The following PREX2 variants were observed in gnomAD, a reference collection of about 807,000 sequenced individuals.
PREX2 encodes phosphatidylinositol 3,4,5-trisphosphate-dependent Rac exchanger 2 protein.
In PREX2, 107 loss-of-function variants were observed where a neutral mutation model predicts 203.2. The ratio of observed to expected loss-of-function variants is 0.53; its 90% CI spans 0.45 to 0.62. PREX2 has a LOEUF of 0.62. PREX2 is among the 20% of genes least tolerant of loss of function. PREX2 has a pLI of 0.00. For synonymous variants in PREX2, 672 were observed against 663.6 expected (o/e 1.01, Z -0.19); for missense variants, 1,777 against 1,955.9 (o/e 0.91, Z 1.72).
intron 29 of PREX2, 110 bp from the exon 30 acceptor site, chr8:68,120,811 A>G (rs1810756629): frequency 2.4e-6 from 2 of 838,284 alleles, no homozygotes; most frequent in Non-Finnish European, 3.6e-6. Flanking sequence ...AGAAATGACC[A>G]CCATGTCAAT....
At chr8:68,092,855 C>T (rs1809923921) in intron 20 of PREX2, among the ~76,000 whole-genome samples, 2 of 152,128 alleles carry the variant, frequency 1.3e-5, no homozygotes, top group Admixed American at 6.5e-5. Context: ...GGTCTCACTA[C>T]GTTGCTCAGG....
chr8:68,136,767 A>G (rs1274168304), intron 32 of PREX2, among the ~76,000 whole-genome samples: 1 of 152,160 alleles, frequency 6.6e-6, no homozygotes, highest in East Asian at 1.9e-4. Context: ...CAGTTCTTCC[A>G]ACCTCTTTGT....
At chr8:68,049,946 C>T (rs950953884) in intron 8 of PREX2, among the ~76,000 whole-genome samples, 10 of 151,788 alleles carry the variant, frequency 6.6e-5, no homozygotes, top group Admixed American at 6.6e-4. Context: ...AAATGAGAAG[C>T]AATTGCTTAT....
Position 68,192,466 on chromosome 8 carries a change from G to A in PREX2, c.4545G>A (p.Ser1515=), listed in dbSNP as rs116570374. 1,965 of 1,613,666 alleles carry A rather than the reference G, an allele frequency of 1.2e-3. 21 individuals carry two copies. The African/African-American group carries it at 0.023, about 19-fold the overall frequency. The change falls in exon 37 of 40, where the codon TCG becomes TCA. Residue 1515 remains serine (S), a synonymous_variant. Coordinates refer to ENST00000288368, the MANE Select transcript of PREX2 (RefSeq NM_024870.4). Reference sequence around the variant, plus strand: ...GGGTTGGACTGCTGTCAGTTTCCTCGGAGCTGTGCAACAGGCTGGGCGCCT... The same window carrying A: ...GGGTTGGACTGCTGTCAGTTTCCTCAGAGCTGTGCAACAGGCTGGGCGCCT... ...ASGVGLLSVS[S]ELCNRLGACH...
chr8:67,975,258 C>G (rs1003253108), intron 1 of PREX2, among the ~76,000 whole-genome samples: 2 of 144,642 alleles, frequency 1.4e-5, no homozygotes, highest in Non-Finnish European at 3.0e-5. Context: ...GCTGATGTTA[C>G]CTGCACACGG....
Position 68,233,201 on chromosome 8 carries a change from C to T in PREX2, c.*1823C>T, listed in dbSNP as rs1813200725. 6.6e-6 allele frequency: 1 copy of T among 152,078 alleles called. No homozygotes were observed. Among genetic ancestry groups the T allele is most frequent in the South Asian group, 2.1e-4 (1 of 4,818 alleles). 9.4% of individuals were successfully genotyped at this position (152,078 alleles called of 1,614,324 possible). A position where few individuals can be genotyped will look rare whatever the true frequency, so the allele number is the denominator to read the frequency against. ...AATAAAGATATCTTTACAAAAATAA[C>T]CTTCAAGGATTTAACATTTGTAGGA... On this transcript the variant is annotated 3_prime_UTR_variant, in exon 40 of 40. Transcript: ENST00000288368.
chr8:68,194,296 G>A (rs1180244929), intron 37 of PREX2, among the ~76,000 whole-genome samples: 2 of 152,094 alleles, frequency 1.3e-5, no homozygotes, highest in Non-Finnish European at 2.9e-5. Context: ...GGGGGAAACG[G>A]TTGATAAAGT....
Position 68,093,589 on chromosome 8 carries a change from C to T in PREX2, c.2251-16C>T, listed in dbSNP as rs990879255. On this transcript the variant is annotated splice_polypyrimidine_tract_variant and intron_variant, in intron 20 of 39. Transcript: ENST00000288368. ...GCACTAATACCTCTGAGGTTTCTTT[C>T]CCCCCTCATTTCCAGCAAGATTCCA... is the stretch of plus-strand genomic sequence containing the variant. 1.5e-6 allele frequency: 2 copies of T among 1,314,336 alleles called. No individual in the cohort carries two copies. Among genetic ancestry groups the T allele is most frequent in the Non-Finnish European group, 2.2e-6 (2 of 921,166 alleles). 81.4% of individuals were successfully genotyped at this position (1,314,336 alleles called of 1,614,324 possible).
chr8:68,042,137 T>C (rs754066181), intron 7 of PREX2, among the ~76,000 whole-genome samples: 1 of 152,076 alleles, frequency 6.6e-6, no homozygotes, highest in African/African-American at 2.4e-5. Flanking sequence ...TTCTAAGATA[T>C]AGAGATCTTT....
At chr8:68,006,118 G>C (rs1238732791) in intron 1 of PREX2, among the ~76,000 whole-genome samples, 1 of 152,182 alleles carries the variant, frequency 6.6e-6, no homozygotes, top group Non-Finnish European at 1.5e-5. Context: ...CAGCTCATTA[G>C]CAGTTTGCTG....
intron 34 of PREX2, among the ~76,000 whole-genome samples, chr8:68,154,109 C>T (rs1029008760): frequency 3.3e-5 from 5 of 152,210 alleles, no homozygotes; most frequent in Non-Finnish European, 7.3e-5. Flanking sequence ...CTGTGCCATC[C>T]CACTGTTCTC....
rs1308426851 is a variant in PREX2 at position 68,233,749 on chromosome 8, T to C, written c.*2371T>C. ...AGAGTTGAGGAACCAAAGCAAAGAA[T>C]AACCCAGTGACTTGCACAAAGTCAC... On this transcript the variant is annotated 3_prime_UTR_variant, in exon 40 of 40. Transcript: ENST00000288368. The C allele has an allele frequency of 6.6e-6, 1 of 152,180 alleles. No homozygotes were observed. Among genetic ancestry groups the C allele is most frequent in the Non-Finnish European group, 1.5e-5 (1 of 68,028 alleles). 9.4% of individuals were successfully genotyped at this position (152,180 alleles called of 1,614,324 possible).
chr8:68,181,994 A>G (rs1812093925), intron 35 of PREX2, among the ~76,000 whole-genome samples: 2 of 152,084 alleles, frequency 1.3e-5, no homozygotes, highest in African/African-American at 2.4e-5. Context: ...GGGTATAGGG[A>G]AAAACTACTG....
chr8:68,058,393 T>C (rs1171233393), intron 10 of PREX2, among the ~76,000 whole-genome samples: 1 of 152,138 alleles, frequency 6.6e-6, no homozygotes, highest in African/African-American at 2.4e-5. Flanking sequence ...GTTCCTGACA[T>C]CTGTCATCTC....
chr8:68,200,762 C>A (rs1812485638), intron 37 of PREX2, among the ~76,000 whole-genome samples: 1 of 152,036 alleles, frequency 6.6e-6, no homozygotes, highest in Non-Finnish European at 1.5e-5. Flanking sequence ...GCAGTGTTTT[C>A]TAGTTCTGAC....
chr8:68,210,238 A>G (rs1812717438), intron 37 of PREX2, among the ~76,000 whole-genome samples: 1 of 152,170 alleles, frequency 6.6e-6, no homozygotes, highest in Non-Finnish European at 1.5e-5. Flanking sequence ...TACATTTCCC[A>G]TTTGTAATTA....
intron 17 of PREX2, among the ~76,000 whole-genome samples, 184 bp from the exon 18 acceptor site, chr8:68,083,056 G>A (rs1809578382): frequency 6.6e-6 from 1 of 152,174 alleles, no homozygotes; most frequent in Non-Finnish European, 1.5e-5. Flanking sequence ...TTAAAACTAT[G>A]CCAAAGAGAA....
intron 6 of PREX2, among the ~76,000 whole-genome samples, chr8:68,032,088 A>C (rs1807901888): frequency 6.6e-6 from 1 of 152,164 alleles, no homozygotes; most frequent in Admixed American, 6.6e-5. Context: ...TACTCAAAGG[A>C]AGAATGAATG....
intron 1 of PREX2, among the ~76,000 whole-genome samples, chr8:67,998,372 A>G (rs1188585171): frequency 6.6e-6 from 1 of 152,170 alleles, no homozygotes; most frequent in South Asian, 2.1e-4. Flanking sequence ...CCTGTCCCCA[A>G]CCTTCAGCGT....
Sources: allele counts gnomAD v4.1 joint callset (sites outside exome capture counted in the v4.1 genomes callset), GRCh38; gene constraint gnomAD v4.1.1; transcripts MANE v1.5; gene names NCBI Gene and HGNC (gene_info 2026-07-23, HGNC 2026-07-21).